The following REL variants were observed in gnomAD, a reference collection of about 807,000 sequenced individuals.
The protein encoded by REL is proto-oncogene c-Rel.
Under a neutral mutation model 45.9 loss-of-function variants are expected in REL, and 15 were observed. That is an observed-to-expected ratio of 0.33 (90% CI 0.22 to 0.50). REL has a LOEUF of 0.50. Among genes scored for constraint, REL ranks in the 20% least tolerant of loss-of-function variants. The pLI is 0.98. For missense variants in REL, 601 were observed against 715.2 expected (o/e 0.84, Z 1.82); for synonymous variants, 239 against 242.1 (o/e 0.99, Z 0.12).
chr2:60,920,226 G>A, intron 8 of REL, 117 bp downstream of exon 8: 2 of 828,700 alleles, frequency 2.4e-6, no homozygotes, highest in Non-Finnish European at 3.8e-6. Context: ...TTTTGAGATA[G>A]CATCTCTCTC....
In REL at chr2:60,922,220, G is replaced by A; in HGVS notation, c.1449G>A (p.Leu483=). 5.0e-6 allele frequency: 8 copies of A among 1,614,128 alleles called. No individual in the cohort carries two copies. Among genetic ancestry groups the A allele is most frequent in the Non-Finnish European group, 6.8e-6 (8 of 1,180,020 alleles). ...GAGAGACTGATAATCCAAGACTTCT[G>A]AGCATGAATCTTGAAAACCCCTCAT... is the stretch of plus-strand genomic sequence containing the variant. ...SMGETDNPRL[L]SMNLENPSCN... is the part of the protein sequence containing the mutation. Residue 483 remains leucine, a synonymous_variant, in exon 10 of 10, where the codon CTG becomes CTA. Transcript: ENST00000394479.
At chr2:60,921,302 G>A (rs1674134702) in intron 9 of REL, among the ~76,000 whole-genome samples, 1 of 151,990 alleles carries the variant, frequency 6.6e-6, no homozygotes, top group South Asian at 2.1e-4. Flanking sequence ...TTAGGGTTCT[G>A]TTGTAATATA....
chr2:60,897,821 G>GT (rs1228077208), intron 3 of REL, among the ~76,000 whole-genome samples: 1 of 148,572 alleles, frequency 6.7e-6, no homozygotes, highest in Admixed American at 6.8e-5. Context: ...GAGCCCAGGA[G>GT]TTTGAGTCCA....
rs192712856 is a variant in REL, at chr2:60,891,253, A to G, written c.11-430A>G. On this transcript the variant is annotated intron_variant, in intron 1 of 9. Coordinates refer to ENST00000394479, the MANE Select transcript of REL (RefSeq NM_001291746.2). ...GTATTATGAATATGATGTAAAATCA[A>G]GCAGTTAAATATATTTAACTCACTT... Among the ~76,000 whole-genome samples the G allele has an allele frequency of 2.7e-3, 417 of 152,352 alleles. 2 individuals are homozygous for G. Among genetic ancestry groups the G allele is most frequent in the Non-Finnish European group, 3.8e-3 (259 of 68,026 alleles).
intron 1 of REL, among the ~76,000 whole-genome samples, chr2:60,886,884 A>G (rs746154783): frequency 1.3e-5 from 2 of 152,176 alleles, no homozygotes; most frequent in Non-Finnish European, 2.9e-5. Context: ...AGTTATTCTG[A>G]TGTATATTAG....
chr2:60,901,991 T>C (rs1444313293), intron 4 of REL, among the ~76,000 whole-genome samples: 2 of 152,162 alleles, frequency 1.3e-5, no homozygotes, highest in African/African-American at 4.8e-5. Flanking sequence ...TTGTAAGCAC[T>C]CTGTATTGTT....
chr2:60,919,721 G>A (rs1204027942), intron 7 of REL, among the ~76,000 whole-genome samples: 1 of 152,022 alleles, frequency 6.6e-6, no homozygotes, highest in Admixed American at 6.6e-5. Context: ...CACTGCGCCT[G>A]GCCAATTTTT....
intron 4 of REL, among the ~76,000 whole-genome samples, chr2:60,904,427 C>G (rs929396304): frequency 6.7e-6 from 1 of 149,476 alleles, no homozygotes; most frequent in East Asian, 2.0e-4. Flanking sequence ...AAAAATTAGC[C>G]GGGCGTGGTG....
intron 1 of REL, among the ~76,000 whole-genome samples, chr2:60,883,788 G>C (rs997799637): frequency 1.3e-5 from 2 of 151,524 alleles, no homozygotes; most frequent in Non-Finnish European, 2.9e-5. Flanking sequence ...AAAGTAAGGA[G>C]GAAATGTTTA....
chr2:60,887,601 A>G (rs1673102222), intron 1 of REL, among the ~76,000 whole-genome samples: 1 of 151,226 alleles, frequency 6.6e-6, no homozygotes, highest in African/African-American at 2.4e-5. Flanking sequence ...TGCTATACAC[A>G]GAATACTATG....
At chr2:60,884,888 G>A (rs532441193) in intron 1 of REL, among the ~76,000 whole-genome samples, 33 of 152,316 alleles carry the variant, frequency 2.2e-4, no homozygotes, top group South Asian at 1.4e-3. Flanking sequence ...ATGGAAGTAA[G>A]TGTGAGGCAA....
chr2:60,893,290 T>C (rs1392563880), intron 2 of REL, among the ~76,000 whole-genome samples: 3 of 152,214 alleles, frequency 2.0e-5, no homozygotes, highest in African/African-American at 7.2e-5. Flanking sequence ...AATTGCTGAA[T>C]TATAGAATAA....
chr2:60,897,714 T>C (rs1673386730), intron 3 of REL, among the ~76,000 whole-genome samples: 1 of 151,956 alleles, frequency 6.6e-6, no homozygotes, highest in African/African-American at 2.4e-5. Context: ...TCTCAACATA[T>C]TCCCTTAAAT....
At chr2:60,918,372 T>G in intron 6 of REL, 22 bp from the exon 7 acceptor site, 2 of 1,594,154 alleles carry the variant, frequency 1.3e-6, no homozygotes, top group Non-Finnish European at 1.7e-6. Flanking sequence ...CATTTTTTTT[T>G]TTTTGGTTTC....
chr2:60,896,600 C>T (rs911941582), intron 3 of REL, among the ~76,000 whole-genome samples: 2 of 151,950 alleles, frequency 1.3e-5, no homozygotes, highest in African/African-American at 4.8e-5. Flanking sequence ...TTTAAATGCT[C>T]CTCTTACAAT....
intron 4 of REL, among the ~76,000 whole-genome samples, chr2:60,913,342 T>C (rs1052769506): frequency 6.6e-6 from 1 of 152,148 alleles, no homozygotes; most frequent in African/African-American, 2.4e-5. Context: ...TCATTTTCTG[T>C]GAAAAAGAGT....
In REL at chr2:60,931,247, G is replaced by A. The variant is rs916953752; in HGVS notation, c.*8712G>A. On this transcript the variant is annotated 3_prime_UTR_variant, in exon 10 of 10. Transcript: ENST00000394479. ...AACACAAAGCTTTTGGGTAACCAGC[G>A]TTCTTAAATGTATGGTTTTTGACCA... is the stretch of plus-strand genomic sequence containing the variant. 5.3e-5 allele frequency: 8 copies of A among 152,278 alleles called. No homozygotes were observed. The South Asian group carries it at 6.2e-4, about 12-fold the overall frequency. 9.4% of individuals were successfully genotyped at this position (152,278 alleles called of 1,614,324 possible).
chr2:60,915,572 A>G (rs1431800630), intron 4 of REL, among the ~76,000 whole-genome samples: 2 of 152,262 alleles, frequency 1.3e-5, no homozygotes, highest in African/African-American at 2.4e-5. Flanking sequence ...TACAAAATAC[A>G]TTATCAGTTT....
chr2:60,887,015 A>G (rs949798334), intron 1 of REL, among the ~76,000 whole-genome samples: 36 of 152,192 alleles, frequency 2.4e-4, no homozygotes, highest in Admixed American at 5.2e-4. Context: ...GTGCTTTTCA[A>G]AACTGTGGCG....
Sources: allele counts gnomAD v4.1 joint callset (sites outside exome capture counted in the v4.1 genomes callset), GRCh38; gene constraint gnomAD v4.1.1; transcripts MANE v1.5; gene names NCBI Gene and HGNC (gene_info 2026-07-23, HGNC 2026-07-21).